RPTOR: variants seen among roughly 807,000 people sequenced by gnomAD.
The protein encoded by RPTOR is regulatory-associated protein of mTOR.
A neutral mutation model predicts 169.9 loss-of-function variants in RPTOR; 21 were observed. The ratio of observed to expected loss-of-function variants is 0.12; its 90% CI spans 0.09 to 0.18. The LOEUF is 0.18. Among genes scored for constraint, RPTOR ranks in the 10% least tolerant of loss-of-function variants. RPTOR has a pLI of 1.00. For synonymous variants in RPTOR, 732 were observed against 753.2 expected, an observed-to-expected ratio of 0.97 and a Z score of 0.46; for missense variants, 1,133 against 1,855.9, an observed-to-expected ratio of 0.61 and a Z score of 7.16.
At position 80,700,439 on chromosome 17, in the gene RPTOR, ATGG is replaced by A. The variant is rs138115583; in HGVS notation, c.349-7390_349-7388del. Among the ~76,000 whole-genome samples, 626 of 93,896 alleles carry A rather than the reference ATGG, an allele frequency of 6.7e-3. 6 individuals are homozygous for A. The highest frequency in any genetic ancestry group is 0.023 in the African/African-American group (591 of 26,102). 61.6% of individuals were successfully genotyped at this position (93,896 alleles called of 152,430 possible). On this transcript the variant is annotated intron_variant, in intron 3 of 33. Coordinates refer to ENST00000306801, the MANE Select transcript of RPTOR (RefSeq NM_020761.3). ...GGTGATGGTGATGGTGGTGGTTATGATGGTGGTGGTGGTGATGGTGGTGGTGGT... is the reference window on the plus strand; with the variant it reads ...GGTGATGGTGATGGTGGTGGTTATGATGGTGGTGGTGATGGTGGTGGTGGT...
At position 80,966,322 on chromosome 17, in the gene RPTOR, G is replaced by A. The variant is rs1363926402; in HGVS notation, c.*1992G>A. 1.3e-5 allele frequency: 3 copies of A among 231,202 alleles called. No homozygotes were observed. The highest frequency in any genetic ancestry group is 6.6e-5 in the African/African-American group (3 of 45,204). 14.3% of individuals were successfully genotyped at this position (231,202 alleles called of 1,614,324 possible). On this transcript the variant is annotated 3_prime_UTR_variant, in exon 34 of 34. Transcript: ENST00000306801. ...CTTTGACAAAACACGAAATGGTAAT[G>A]TGAAGCTAAGAGCAGAGAGTGACCA...
Position 80,963,999 on chromosome 17 carries a change from A to G in RPTOR, c.3940-263A>G, listed in dbSNP as rs368234063. On this transcript the variant is annotated intron_variant, in intron 33 of 33. Transcript: ENST00000306801. ...GCTCTGCTGACACGTGTGACATTGG[A>G]TCCCAGAGCTGCCCCGTGGGGCAGT... 7.6e-4 allele frequency among the ~76,000 whole-genome samples: 116 copies of G among 152,216 alleles called. 1 individual carries two copies. The highest frequency in any genetic ancestry group is 2.7e-3 in the African/African-American group (112 of 41,540).
intron 1 of RPTOR, among the ~76,000 whole-genome samples, chr17:80,556,813 G>T (rs1391214099): frequency 2.0e-5 from 3 of 151,988 alleles, no homozygotes; most frequent in Non-Finnish European, 4.4e-5. Flanking sequence ...AAACATGCTG[G>T]CCAGGCACGG....
chr17:80,889,359 C>A (rs1598380725), intron 17 of RPTOR, among the ~76,000 whole-genome samples: 1 of 152,166 alleles, frequency 6.6e-6, no homozygotes, highest in African/African-American at 2.4e-5. Flanking sequence ...TGAGTCCAGG[C>A]AAAGCTGCCT....
chr17:80,948,887 C>T (rs543667675), intron 27 of RPTOR, among the ~76,000 whole-genome samples: 4 of 152,248 alleles, frequency 2.6e-5, no homozygotes, highest in East Asian at 1.9e-4. Flanking sequence ...CAGGGCAGTG[C>T]GTCCCTGCCC....
At chr17:80,709,566 A>G (rs901666005) in intron 4 of RPTOR, among the ~76,000 whole-genome samples, 1 of 152,182 alleles carries the variant, frequency 6.6e-6, no homozygotes, top group African/African-American at 2.4e-5. Context: ...CTCTTCCCAC[A>G]TTCGCTGTCC....
intron 3 of RPTOR, among the ~76,000 whole-genome samples, chr17:80,657,220 G>A (rs1391199064): frequency 6.6e-6 from 1 of 152,012 alleles, no homozygotes; most frequent in Non-Finnish European, 1.5e-5. Context: ...TTGTTAGGGA[G>A]GGGTTTGGAC....
intron 3 of RPTOR, among the ~76,000 whole-genome samples, chr17:80,663,239 T>G (rs1295654636): frequency 1.3e-5 from 2 of 152,182 alleles, no homozygotes; most frequent in Admixed American, 1.3e-4. Flanking sequence ...AGTGACTGGC[T>G]TTTAGGGATA....
At chr17:80,879,028 C>T (rs535907347) in intron 13 of RPTOR, among the ~76,000 whole-genome samples, 15 of 152,210 alleles carry the variant, frequency 9.9e-5, no homozygotes, top group African/African-American at 3.4e-4. Context: ...ACCCGATAAG[C>T]GGTGACTTCT....
chr17:80,674,696 G>A (rs1207308176), intron 3 of RPTOR, among the ~76,000 whole-genome samples: 3 of 150,242 alleles, frequency 2.0e-5, no homozygotes, highest in East Asian at 2.0e-4. Flanking sequence ...GCTGAGGCAG[G>A]AGAATGGCAT....
chr17:80,856,521 G>A (rs1003170459), intron 12 of RPTOR, among the ~76,000 whole-genome samples: 1 of 152,198 alleles, frequency 6.6e-6, no homozygotes, highest in African/African-American at 2.4e-5. Context: ...ACTGAAGGAC[G>A]AGAGAAAACA....
At chr17:80,857,971 G>C (rs767536303) in intron 13 of RPTOR, 71 bp downstream of exon 13, 4 of 1,184,448 alleles carry the variant, frequency 3.4e-6, no homozygotes, top group Non-Finnish European at 5.0e-6. Context: ...CGAGCCCTGC[G>C]TTTCCAGCCT....
At chr17:80,919,537 G>A (rs908010932) in intron 21 of RPTOR, among the ~76,000 whole-genome samples, 3 of 152,174 alleles carry the variant, frequency 2.0e-5, no homozygotes, top group Non-Finnish European at 2.9e-5. Flanking sequence ...TGAAATGTAC[G>A]GTATTTTCAT....
intron 3 of RPTOR, among the ~76,000 whole-genome samples, chr17:80,685,888 C>G (rs1466753105): frequency 6.6e-6 from 1 of 151,562 alleles, no homozygotes; most frequent in Non-Finnish European, 1.5e-5. Flanking sequence ...AACCCTATTT[C>G]TCCTCATCAG....
intron 3 of RPTOR, among the ~76,000 whole-genome samples, chr17:80,668,522 C>T (rs576926439): frequency 8.3e-4 from 126 of 152,286 alleles, no homozygotes; most frequent in Non-Finnish European, 1.5e-3. Context: ...GAGAAAGGAC[C>T]TCCTCACAAG....
intron 1 of RPTOR, among the ~76,000 whole-genome samples, chr17:80,566,555 T>C (rs1184718540): frequency 1.3e-5 from 2 of 152,050 alleles, no homozygotes; most frequent in Non-Finnish European, 2.9e-5. Context: ...GTGCGGTGGC[T>C]CACGCCTGTA....
At chr17:80,838,427 G>A (rs548244481) in intron 10 of RPTOR, among the ~76,000 whole-genome samples, 159 of 152,324 alleles carry the variant, frequency 1.0e-3, no homozygotes, top group African/African-American at 3.6e-3. Context: ...CTGCACGGGC[G>A]CTGGAGAGCT....
chr17:80,870,792 G>A (rs1337564220), intron 13 of RPTOR, among the ~76,000 whole-genome samples: 1 of 152,198 alleles, frequency 6.6e-6, no homozygotes, highest in South Asian at 2.1e-4. Context: ...AACTGGAAAA[G>A]GTAGTAAATA....
At chr17:80,857,678 C>T (rs539281623) in intron 12 of RPTOR, 112 bp from the exon 13 acceptor site, 13 of 667,820 alleles carry the variant, frequency 1.9e-5, no homozygotes, top group South Asian at 1.4e-4. Context: ...ATTCCTGTTG[C>T]GTTTCCCATA....
Sources: gnomAD v4.1 joint callset for allele counts (sites outside exome capture counted in the v4.1 genomes callset) on GRCh38, gnomAD v4.1.1 for gene constraint, MANE v1.5 for transcripts, NCBI Gene and HGNC (gene_info 2026-07-23, HGNC 2026-07-21) for gene names.